ECSCR: variants seen among roughly 807,000 people sequenced by gnomAD.
ECSCR encodes endothelial cell-specific chemotaxis regulator.
A neutral mutation model predicts 16.7 loss-of-function variants in ECSCR; 12 were observed. The observed-to-expected ratio is 0.72, with a 90% CI of 0.46 to 1.17. The LOEUF (loss-of-function observed/expected upper bound fraction) is 1.17, where lower values mean the gene tolerates loss of function less well. ECSCR is among the 50% of genes most tolerant of loss of function. ECSCR has a pLI of 0.00. For missense variants in ECSCR, 122 were observed against 116.1 expected, an observed-to-expected ratio of 1.05 and a Z score of -0.23; for synonymous variants, 44 against 42.2, an observed-to-expected ratio of 1.04 and a Z score of -0.17.
intron 8 of ECSCR, among the ~76,000 whole-genome samples, chr5:139,453,833 G>A (rs1366647753): frequency 7.8e-6 from 1 of 128,726 alleles, no homozygotes; most frequent in Non-Finnish European, 1.7e-5. Context: ...TGTGGTGTGT[G>A]GGTATGTGTG....
intron 1 of ECSCR, 80 bp downstream of exon 1, chr5:139,462,530 T>C (rs1270448817): frequency 7.2e-7 from 1 of 1,391,900 alleles, no homozygotes; most frequent in Non-Finnish European, 1.0e-6. Context: ...AAAGCATGTG[T>C]CTCCTGAGAA....
At chr5:139,449,451 C>T (rs1358051474) in intron 8 of ECSCR, among the ~76,000 whole-genome samples, 4 of 152,134 alleles carry the variant, frequency 2.6e-5, no homozygotes, top group African/African-American at 9.7e-5. Flanking sequence ...GATTCTCCTG[C>T]CTCAGCCTCC....
chr5:139,457,823 T>C lies in ECSCR; in HGVS notation c.107-16A>G. 1.2e-6 allele frequency: 2 copies of C among 1,600,118 alleles called. No homozygotes were observed. The highest frequency in any genetic ancestry group is 1.7e-6 in the Non-Finnish European group (2 of 1,173,352). On this transcript the variant is annotated splice_polypyrimidine_tract_variant and intron_variant, in intron 2 of 9. Coordinates refer to ENST00000618155, the MANE Select transcript of ECSCR (RefSeq NM_001077693.4). Reference sequence around the variant, plus strand: ...CCAAGGCCTCCTGAAACAGAACATCTGAGGCTGAGGGGTGCACCGCCTCCT... The same window carrying C: ...CCAAGGCCTCCTGAAACAGAACATCCGAGGCTGAGGGGTGCACCGCCTCCT...
intron 1 of ECSCR, among the ~76,000 whole-genome samples, chr5:139,459,871 A>C (rs140739226): frequency 7.9e-4 from 121 of 152,320 alleles, no homozygotes; most frequent in African/African-American, 2.8e-3. Context: ...TGGGGCTATC[A>C]TCTGGATAGT....
chr5:139,456,798 G>T (rs943983983), intron 4 of ECSCR, among the ~76,000 whole-genome samples: 24 of 152,276 alleles, frequency 1.6e-4, no homozygotes, highest in African/African-American at 5.5e-4. Flanking sequence ...CTGAACCAGG[G>T]TGCCACTGAT....
chr5:139,449,044 T>C (rs1027475010), intron 9 of ECSCR, 34 bp downstream of exon 9: 10 of 1,533,874 alleles, frequency 6.5e-6, no homozygotes, highest in Admixed American at 2.0e-5. Flanking sequence ...AAAGGTGAAT[T>C]TGGGGAAGGA....
chr5:139,452,470 G>A (rs1272047896), intron 8 of ECSCR, among the ~76,000 whole-genome samples: 3 of 85,250 alleles, frequency 3.5e-5, no homozygotes, highest in Non-Finnish European at 7.6e-5. Flanking sequence ...TGTGTGTGTA[G>A]TGTGGGGTGT....
intron 6 of ECSCR, 41 bp from the exon 7 acceptor site, chr5:139,454,964 G>A: frequency 2.5e-6 from 1 of 398,692 alleles, no homozygotes; most frequent in Non-Finnish European, 4.4e-6. Flanking sequence ...GCCAGTCGGG[G>A]GGACAAAGGG....
intron 1 of ECSCR, among the ~76,000 whole-genome samples, chr5:139,460,436 A>G (rs1046062092): frequency 2.0e-5 from 3 of 152,008 alleles, no homozygotes; most frequent in Non-Finnish European, 2.9e-5. Context: ...AGCCTGGCCT[A>G]ATGTACTATC....
At chr5:139,462,160 ACTC>A (rs1345553232) in intron 1 of ECSCR, among the ~76,000 whole-genome samples, 1 of 152,034 alleles carries the variant, frequency 6.6e-6, no homozygotes, top group Non-Finnish European at 1.5e-5. Context: ...CTAGGTTGCT[ACTC>A]CTCATGTGAA....
At chr5:139,454,095 GT>G (rs1751103484) in intron 8 of ECSCR, among the ~76,000 whole-genome samples, 1 of 145,036 alleles carries the variant, frequency 6.9e-6, no homozygotes, top group African/African-American at 2.6e-5. Context: ...TATGTGTGGG[GT>G]GTGTGTGTGA....
chr5:139,451,834 G>C (rs1017945535), intron 8 of ECSCR, among the ~76,000 whole-genome samples: 1 of 150,202 alleles, frequency 6.7e-6, no homozygotes, highest in East Asian at 1.9e-4. Flanking sequence ...GGTATGGGGT[G>C]CATGTGTAGT....
intron 6 of ECSCR, 22 bp downstream of exon 6, chr5:139,455,301 C>T (rs1442736218): frequency 2.5e-6 from 1 of 398,514 alleles, no homozygotes; most frequent in Non-Finnish European, 4.4e-6. Flanking sequence ...TCCTATGTCC[C>T]ACCTTCTCCT....
intron 8 of ECSCR, among the ~76,000 whole-genome samples, chr5:139,451,556 G>A (rs1333974862): frequency 2.7e-5 from 4 of 146,782 alleles, no homozygotes; most frequent in South Asian, 4.4e-4. Context: ...TATAGGGTAC[G>A]GGGTGTGTGT....
intron 5 of ECSCR, 35 bp downstream of exon 5, chr5:139,456,439 C>T (rs968557124): frequency 3.8e-5 from 15 of 398,354 alleles, no homozygotes; most frequent in Non-Finnish European, 4.9e-5. Context: ...CATCTCCTGC[C>T]GACTTCTCTT....
intron 1 of ECSCR, among the ~76,000 whole-genome samples, chr5:139,458,759 T>C (rs887408844): frequency 1.3e-5 from 2 of 149,340 alleles, no homozygotes; most frequent in Non-Finnish European, 3.0e-5. Context: ...GGCATGAGAA[T>C]CGCTTGAACC....
At chr5:139,451,207 G>A (rs1343098118) in intron 8 of ECSCR, among the ~76,000 whole-genome samples, 4 of 149,930 alleles carry the variant, frequency 2.7e-5, no homozygotes, top group South Asian at 4.2e-4. Context: ...TGGGGTGTGT[G>A]TGGTATGGGG....
chr5:139,449,025 G>A (rs2152087632), intron 9 of ECSCR, 53 bp downstream of exon 9: 1 of 1,531,646 alleles, frequency 6.5e-7, no homozygotes, highest in Non-Finnish European at 8.8e-7. Flanking sequence ...AAAGTAGGAG[G>A]AGGAAGGGAA....
intron 8 of ECSCR, among the ~76,000 whole-genome samples, chr5:139,452,448 G>GT (rs2152088527): frequency 1.0e-5 from 1 of 98,420 alleles, no homozygotes; most frequent in East Asian, 3.4e-4. Context: ...GGGTGTGTGT[G>GT]GTAGGTGGGT....
Sources: gnomAD v4.1 joint callset for allele counts (sites outside exome capture counted in the v4.1 genomes callset) on GRCh38, gnomAD v4.1.1 for gene constraint, MANE v1.5 for transcripts, NCBI Gene and HGNC (gene_info 2026-07-23, HGNC 2026-07-21) for gene names.